ANKS1B: variants seen among roughly 807,000 people sequenced by gnomAD.
ANKS1B encodes ankyrin repeat and sterile alpha motif domain-containing protein 1B.
A neutral mutation model predicts 148.3 loss-of-function variants in ANKS1B; 36 were observed. That is an observed-to-expected ratio of 0.24 (90% confidence interval 0.19 to 0.32). The LOEUF (loss-of-function observed/expected upper bound fraction) is 0.32, where lower values mean the gene tolerates loss of function less well. ANKS1B is among the 10% of genes least tolerant of loss of function. The pLI, the probability that ANKS1B is intolerant of heterozygous loss-of-function variation, is 1.00. For synonymous variants in ANKS1B, 542 were observed against 560.8 expected, an observed-to-expected ratio of 0.97 and a Z score of 0.47; for missense variants, 1,157 against 1,542.6, an observed-to-expected ratio of 0.75 and a Z score of 4.19.
At chr12:99,726,313 T>C (rs2058612918) in intron 8 of ANKS1B, among the ~76,000 whole-genome samples, 1 of 152,150 alleles carries the variant, frequency 6.6e-6, no homozygotes, top group Non-Finnish European at 1.5e-5. Flanking sequence ...TTACCACTTA[T>C]CCCACAGAAA....
intron 8 of ANKS1B, among the ~76,000 whole-genome samples, chr12:99,699,333 T>A (rs2054440299): frequency 6.6e-6 from 1 of 152,208 alleles, no homozygotes; most frequent in Non-Finnish European, 1.5e-5. Flanking sequence ...CAAATAACAG[T>A]GATTCTTTTC....
chr12:99,049,140 T>C (rs960391223), intron 17 of ANKS1B: 2 of 152,192 alleles, frequency 1.3e-5, no homozygotes, highest in Admixed American at 6.5e-5. Context: ...TCTCATTTAT[T>C]ATGTCCCGTG....
At chr12:99,364,715 C>A (rs1371418797) in intron 12 of ANKS1B, among the ~76,000 whole-genome samples, 1 of 152,180 alleles carries the variant, frequency 6.6e-6, no homozygotes, top group Non-Finnish European at 1.5e-5. Context: ...CATGTTTTTA[C>A]TGATGGTAGT....
intron 9 of ANKS1B, among the ~76,000 whole-genome samples, chr12:99,514,486 A>T (rs1000887029): frequency 2.6e-5 from 4 of 152,056 alleles, no homozygotes; most frequent in Admixed American, 6.6e-5. Context: ...CAAAGTGAAT[A>T]CTATTTTATT....
At position 99,327,128 on chromosome 12, in the gene ANKS1B, AAT is replaced by A. The variant is rs1029325221; in HGVS notation, c.1756+72501_1756+72502del. Among the ~76,000 whole-genome samples, 126 of 124,332 alleles carry A rather than the reference AAT, an allele frequency of 1.0e-3. 2 individuals carry two copies. The highest frequency in any genetic ancestry group is 4.1e-3 in the Middle Eastern group (1 of 246). The allele number at this position is 124,332 out of a possible 152,430, so 81.6% of individuals were successfully genotyped here. ...ATATATTAATATAACTAATATAATT[AAT>A]ATATTAATATACAATAATATATAAT... On this transcript the variant is annotated intron_variant, in intron 12 of 26. Transcript: ENST00000683438.
intron 12 of ANKS1B, among the ~76,000 whole-genome samples, chr12:99,317,100 G>A (rs1254687658): frequency 8.5e-5 from 13 of 152,248 alleles, no homozygotes; most frequent in East Asian, 3.9e-4. Context: ...GTCAGGTAGC[G>A]TGATGCCTCC....
intron 8 of ANKS1B, among the ~76,000 whole-genome samples, chr12:99,659,636 GTGTGTGTT>G (rs2153451303): frequency 6.7e-6 from 1 of 150,012 alleles, no homozygotes; most frequent in Admixed American, 6.7e-5. Context: ...GTGTGTGTTC[GTGTGTGTT>G]TGTGTGTCTG....
intron 4 of ANKS1B, among the ~76,000 whole-genome samples, chr12:99,805,283 A>AAAAAAAAAAAAAAAAAAAAAAAAC (rs1333956748): frequency 6.7e-6 from 1 of 148,710 alleles, no homozygotes; most frequent in Non-Finnish European, 1.5e-5. Flanking sequence ...AAAAAAAAAA[A>AAAAAAAAAAAAAAAAAAAAAAAAC]AAAAAGACTA....
At chr12:99,737,171 T>C (rs2059688902) in intron 8 of ANKS1B, among the ~76,000 whole-genome samples, 1 of 152,090 alleles carries the variant, frequency 6.6e-6, no homozygotes, top group Non-Finnish European at 1.5e-5. Flanking sequence ...GATTCAGCAA[T>C]CACACTGCTG....
intron 12 of ANKS1B, among the ~76,000 whole-genome samples, chr12:99,278,822 G>A (rs1280549763): frequency 6.6e-6 from 1 of 152,094 alleles, no homozygotes; most frequent in Non-Finnish European, 1.5e-5. Flanking sequence ...AAATATGAAA[G>A]GAAAAGTCTC....
Position 98,988,585 on chromosome 12 carries a change from T to C in ANKS1B, c.2778+64572A>G, listed in dbSNP as rs551350456. Among the ~76,000 whole-genome samples the C allele has an allele frequency of 1.8e-3, 274 of 152,274 alleles. 1 individual carries two copies. The highest frequency in any genetic ancestry group is 6.3e-3 in the African/African-American group (262 of 41,572). ...AACACCAAAGTGCAGATATCTGTTT[T>C]AGATGCTGATTTTATTTCCTTTGGA... is the stretch of plus-strand genomic sequence containing the variant. On this transcript the variant is annotated intron_variant, in intron 17 of 26. Transcript: ENST00000683438.
chr12:99,160,916 T>G (rs2076594412), intron 14 of ANKS1B, among the ~76,000 whole-genome samples: 1 of 152,196 alleles, frequency 6.6e-6, no homozygotes, highest in African/African-American at 2.4e-5. Context: ...TTTGTACCAG[T>G]ACCATGCTAT....
chr12:98,990,792 G>A (rs1568225966), intron 17 of ANKS1B, among the ~76,000 whole-genome samples: 1 of 152,232 alleles, frequency 6.6e-6, no homozygotes, highest in Non-Finnish European at 1.5e-5. Context: ...TTGCCTTTCT[G>A]TTAGGTAAGC....
At chr12:99,801,428 G>A (rs2066940654) in intron 4 of ANKS1B, among the ~76,000 whole-genome samples, 1 of 152,200 alleles carries the variant, frequency 6.6e-6, no homozygotes, top group South Asian at 2.1e-4. Context: ...CAGTGCTGAT[G>A]ATGAATCAAG....
chr12:99,246,226 C>T lies in ANKS1B; in HGVS notation c.2346+49G>A, dbSNP rs117598899. 5.1e-4 allele frequency: 717 copies of T among 1,392,940 alleles called. 1 individual carries two copies. Among genetic ancestry groups the T allele is most frequent in the Non-Finnish European group, 6.6e-4 (694 of 1,059,000 alleles). The allele number at this position is 1,392,940 out of a possible 1,614,324, so 86.3% of individuals were successfully genotyped here. A position where few individuals can be genotyped will look rare whatever the true frequency, so the allele number is the denominator to read the frequency against. ...CTGAAAATCCTTCCCCCAAACCTCC[C>T]TCAACTGCAAAGCCTTATAGGATGA... On this transcript the variant is annotated intron_variant, in intron 13 of 26. Transcript: ENST00000683438.
intron 18 of ANKS1B, among the ~76,000 whole-genome samples, chr12:98,830,720 C>A (rs1172627667): frequency 1.3e-5 from 2 of 152,222 alleles, no homozygotes; most frequent in Admixed American, 6.5e-5. Context: ...AGAGTGGGCA[C>A]CCCACAGCTT....
intron 4 of ANKS1B, among the ~76,000 whole-genome samples, chr12:99,792,804 T>G (rs1412698806): frequency 6.6e-6 from 1 of 151,930 alleles, no homozygotes; most frequent in Non-Finnish European, 1.5e-5. Flanking sequence ...AACACCCACT[T>G]TCACCACTGT....
intron 1 of ANKS1B, among the ~76,000 whole-genome samples, chr12:99,881,867 A>G (rs2092523628): frequency 6.6e-6 from 1 of 152,226 alleles, no homozygotes; most frequent in Non-Finnish European, 1.5e-5. Context: ...GAGTCTCATA[A>G]CATGATATTC....
intron 9 of ANKS1B, among the ~76,000 whole-genome samples, chr12:99,570,225 TG>T (rs1297766315): frequency 3.3e-5 from 5 of 152,260 alleles, no homozygotes; most frequent in African/African-American, 9.6e-5. Context: ...AGATTCAGCC[TG>T]CCACATTAGA....
Sources: gnomAD v4.1 joint callset for allele counts (sites outside exome capture counted in the v4.1 genomes callset) on GRCh38, gnomAD v4.1.1 for gene constraint, MANE v1.5 for transcripts, NCBI Gene and HGNC (gene_info 2026-07-23, HGNC 2026-07-21) for gene names.